The following RECK variants were observed in gnomAD, a reference collection of about 807,000 sequenced individuals.
RECK encodes the protein reversion inducing cysteine rich protein with kazal motifs, also known as reversion-inducing cysteine-rich protein with Kazal motifs.
RECK carries 69 observed loss-of-function variants against 115.1 expected under a neutral mutation model. The observed-to-expected ratio is 0.60, with a 90% CI of 0.49 to 0.73. RECK has a LOEUF of 0.73. Among genes scored for constraint, RECK ranks in the 30% least tolerant of loss-of-function variants. RECK has a pLI of 0.00. For missense variants in RECK, 1,047 were observed against 1,203.7 expected (o/e 0.87, Z 1.93); for synonymous variants, 414 against 419.7 (o/e 0.99, Z 0.17).
chr9:36,036,984 C>G lies in RECK; in HGVS notation c.-15C>G. 7.1e-7 allele frequency: 1 copy of G among 1,413,278 alleles called. No individual in the cohort carries two copies. Among genetic ancestry groups the G allele is most frequent in the Non-Finnish European group, 9.2e-7 (1 of 1,081,428 alleles). The allele number at this position is 1,413,278 out of a possible 1,614,324, so 87.5% of individuals were successfully genotyped here. On this transcript the variant is annotated 5_prime_UTR_variant, in exon 1 of 21. Coordinates refer to ENST00000377966, the MANE Select transcript of RECK (RefSeq NM_021111.3). ...GTCCGAGCATCCCGCGGCTCTGGAG[C>G]CGCCCGGCCCGGACATGGCGACCGT...
chr9:36,073,078 A>G (rs1469111482), intron 6 of RECK, among the ~76,000 whole-genome samples: 2 of 151,390 alleles, frequency 1.3e-5, no homozygotes, highest in African/African-American at 4.9e-5. Context: ...ACACTATTGG[A>G]TACATGTACT....
chr9:36,105,130 T>A lies in RECK; in HGVS notation c.1436-13T>A, dbSNP rs750131594. 2 of 1,612,580 alleles carry A rather than the reference T, an allele frequency of 1.2e-6. No individual in the cohort carries two copies. Among genetic ancestry groups the A allele is most frequent in the Admixed American group, 3.3e-5 (2 of 59,852 alleles). On this transcript the variant is annotated splice_polypyrimidine_tract_variant and intron_variant, in intron 12 of 20. Coordinates refer to ENST00000377966, the MANE Select transcript of RECK (RefSeq NM_021111.3). ...TTTAGGTTGGTTAAACTAATCTGTT[T>A]TGGTTTTTTCAGGGCCAAGTACTTT...
intron 6 of RECK, among the ~76,000 whole-genome samples, chr9:36,066,437 A>G (rs1822002082): frequency 6.6e-6 from 1 of 151,180 alleles, no homozygotes; most frequent in Admixed American, 6.6e-5. Flanking sequence ...AGGTAGAATA[A>G]CTCTCTTAAC....
chr9:36,109,993 G>A lies in RECK; in HGVS notation c.1802G>A (p.Cys601Tyr). Reference protein sequence around the residue: ...GTSFSIDCNVCSCFAGNLVCS... With the variant: ...GTSFSIDCNVYSCFAGNLVCS... ...TCCTTTAGTATTGACTGCAATGTCTGTTCTTGTTTTGCTGGCAATTTGGTG... is the reference window on the plus strand; with the variant it reads ...TCCTTTAGTATTGACTGCAATGTCTATTCTTGTTTTGCTGGCAATTTGGTG... The change falls in exon 15 of 21, where the codon TGT becomes TAT. Residue 601 changes from cysteine to tyrosine, a missense_variant. Cys to Tyr is a radical substitution (Grantham distance 194). Coordinates refer to ENST00000377966, the MANE Select transcript of RECK (RefSeq NM_021111.3). 1 of 1,613,734 alleles carries A rather than the reference G, an allele frequency of 6.2e-7. No individual in the cohort carries two copies. The highest frequency in any genetic ancestry group is 8.5e-7 in the Non-Finnish European group (1 of 1,179,658).
chr9:36,093,729 TA>T (rs1381282651), intron 10 of RECK, among the ~76,000 whole-genome samples: 1 of 152,220 alleles, frequency 6.6e-6, no homozygotes, highest in African/African-American at 2.4e-5. Flanking sequence ...TCAAATACAT[TA>T]ACCCATTTTT....
Position 36,110,068 on chromosome 9 carries a change from G to A in RECK, c.1877G>A (p.Arg626His), listed in dbSNP as rs761442720. 92 of 1,605,976 alleles carry A rather than the reference G, an allele frequency of 5.7e-5. No homozygotes were observed. The highest frequency in any genetic ancestry group is 7.5e-5 in the Non-Finnish European group (88 of 1,173,244). ...GAGCACAGTTCAGAAGATGACCGTC[G>A]TACCTTCACAGGTGACTGTGATCGC... The part of the protein sequence containing the change: ...LSEHSSEDDR[R>H]TFTGLPCNCA... The change falls in exon 15 of 21, where the codon CGT (arginine) becomes CAT (histidine). Residue 626 changes from arginine to histidine, a missense_variant. By Grantham distance (29) the Arg-to-His change is conservative (BLOSUM62 0). Coordinates refer to ENST00000377966, the MANE Select transcript of RECK (RefSeq NM_021111.3).
intron 4 of RECK, among the ~76,000 whole-genome samples, chr9:36,063,089 C>T (rs143683309): frequency 0.051 from 7,708 of 151,856 alleles, 627 homozygotes; most frequent in African/African-American, 0.17. Context: ...GAGCCAAGAT[C>T]GCGCCACTGC....
intron 10 of RECK, among the ~76,000 whole-genome samples, chr9:36,097,368 T>C (rs1406755674): frequency 6.6e-6 from 1 of 151,568 alleles, no homozygotes; most frequent in Non-Finnish European, 1.5e-5. Context: ...CAAGAAACTT[T>C]CAAAGACCCT....
intron 1 of RECK, among the ~76,000 whole-genome samples, chr9:36,039,953 A>T (rs1420563585): frequency 6.6e-6 from 1 of 152,342 alleles, no homozygotes; most frequent in East Asian, 1.9e-4. Flanking sequence ...AAATTTAAGC[A>T]ATCTTTCATT....
At chr9:36,093,197 G>A (rs1186940109) in intron 10 of RECK, among the ~76,000 whole-genome samples, 1 of 152,138 alleles carries the variant, frequency 6.6e-6, no homozygotes, top group African/African-American at 2.4e-5. Context: ...GTATTTGTCA[G>A]TAATTTAACT....
At chr9:36,082,455 C>T (rs531463838) in intron 7 of RECK, among the ~76,000 whole-genome samples, 3 of 151,850 alleles carry the variant, frequency 2.0e-5, no homozygotes, top group African/African-American at 7.2e-5. Context: ...CCACAGCACC[C>T]GACCCCCCTG....
At chr9:36,059,423 T>G (rs1393712631) in intron 3 of RECK, among the ~76,000 whole-genome samples, 1 of 149,726 alleles carries the variant, frequency 6.7e-6, no homozygotes, top group Non-Finnish European at 1.5e-5. Context: ...ATCACTGCAC[T>G]CCAGTCTGGG....
rs201803144 is a variant in RECK at position 36,110,091 on chromosome 9, C to T, written c.1888+12C>T. 2.8e-5 allele frequency: 44 copies of T among 1,590,880 alleles called. No individual in the cohort carries two copies. Among genetic ancestry groups the T allele is most frequent in the Non-Finnish European group, 3.4e-5 (40 of 1,161,010 alleles). On this transcript the variant is annotated intron_variant, in intron 15 of 20. Transcript: ENST00000377966. The stretch of plus-strand genomic sequence containing the variant: ...TCGTACCTTCACAGGTGACTGTGAT[C>T]GCCCAGAGTCTGTCCTCAGGGGCCA...
rs751999111 is a variant in RECK, at chr9:36,116,985, G to A, written c.2061G>A (p.Arg687=). The A allele has an allele frequency of 3.1e-6, 5 of 1,606,002 alleles. No individual in the cohort carries two copies. Among genetic ancestry groups the A allele is most frequent in the African/African-American group, 1.3e-5 (1 of 74,686 alleles). Reference sequence around the variant, plus strand: ...ATGGTGCTGCATTCGTCTTTTTCAGGTGCATACCCAAACCACAGGTCTGCC... The same window carrying A: ...ATGGTGCTGCATTCGTCTTTTTCAGATGCATACCCAAACCACAGGTCTGCC... ...CNPNPCQKNQ[R]CIPKPQVCLT... is the part of the protein sequence containing the mutation. The change falls in exon 17 of 21, where the codon AGG becomes AGA. Residue 687 remains arginine (R), a splice_region_variant and synonymous_variant. Transcript: ENST00000377966.
chr9:36,112,459 C>G lies in RECK; in HGVS notation c.2043C>G (p.Pro681=), dbSNP rs755578445. ...CAAAGGATCCATGTAATCCTAATCC[C>G]TGCCAAAAAAACCAAAGGTAAGTCA... ...CMSKDPCNPN[P]CQKNQRCIPK... is the part of the protein sequence containing the mutation. Residue 681 remains proline, a synonymous_variant, in exon 16 of 21, where the codon CCC becomes CCG. Coordinates refer to ENST00000377966, the MANE Select transcript of RECK (RefSeq NM_021111.3). The G allele has an allele frequency of 6.2e-7, 1 of 1,613,936 alleles. No homozygotes were observed. The highest frequency in any genetic ancestry group is 1.1e-5 in the South Asian group (1 of 91,060).
Position 36,063,806 on chromosome 9 carries a change from A to G in RECK, c.283A>G (p.Lys95Glu). Residue 95 changes from lysine to glutamate, a missense_variant, in exon 5 of 21, where the codon AAG (lysine) becomes GAG (glutamate). Lys to Glu is a moderately conservative substitution (Grantham distance 56). Transcript: ENST00000377966. ...ATTTTGTTTTTAAGGTGTGTTTAAGAAGTCTGATGGCTGGGTTGGCTTAGG... is the reference window on the plus strand; with the variant it reads ...ATTTTGTTTTTAAGGTGTGTTTAAGGAGTCTGATGGCTGGGTTGGCTTAGG... ...MNSSLPGVFKKSDGWVGLGCC... is the reference protein window; with the variant it reads ...MNSSLPGVFKESDGWVGLGCC... 6.2e-7 allele frequency: 1 copy of G among 1,614,040 alleles called. No homozygotes were observed. The highest frequency in any genetic ancestry group is 1.1e-5 in the South Asian group (1 of 91,084).
intron 10 of RECK, among the ~76,000 whole-genome samples, chr9:36,098,973 C>G (rs1320882647): frequency 6.6e-6 from 1 of 152,118 alleles, no homozygotes; most frequent in Admixed American, 6.6e-5. Context: ...CACCTATAAT[C>G]CCAACACTTT....
At chr9:36,041,659 C>T (rs1327357658) in intron 1 of RECK, among the ~76,000 whole-genome samples, 2 of 152,054 alleles carry the variant, frequency 1.3e-5, no homozygotes, top group Non-Finnish European at 2.9e-5. Context: ...TGACAGGAAC[C>T]AAGACTGACA....
chr9:36,091,018 G>C (rs1303048606), intron 9 of RECK, 146 bp from the exon 10 acceptor site: 2 of 613,708 alleles, frequency 3.3e-6, no homozygotes, highest in Non-Finnish European at 5.3e-6. Context: ...TCTGGCTCTA[G>C]TTTCTAGGAA....
Sources: gnomAD v4.1 joint callset for allele counts (sites outside exome capture counted in the v4.1 genomes callset) on GRCh38, gnomAD v4.1.1 for gene constraint, MANE v1.5 for transcripts, NCBI Gene and HGNC (gene_info 2026-07-23, HGNC 2026-07-21) for gene names.